Variants in MARF1 observed in about 807,000 individuals in gnomAD.
The protein encoded by MARF1 is limkain-b1.
In MARF1, 24 loss-of-function variants were observed where a neutral mutation model predicts 168.2. The observed-to-expected ratio is 0.14, with a 90% confidence interval of 0.10 to 0.20. The LOEUF (loss-of-function observed/expected upper bound fraction) is 0.20, where lower values mean the gene tolerates loss of function less well. Among genes scored for constraint, MARF1 ranks in the 10% least tolerant of loss-of-function variants. The pLI is 1.00. For synonymous variants in MARF1, 868 were observed against 822.4 expected (o/e 1.06, Z -0.95); for missense variants, 1,744 against 2,143.6 (o/e 0.81, Z 3.68).
chr16:15,625,098 G>C lies in MARF1; in HGVS notation c.2029C>G (p.Pro677Ala), dbSNP rs1466782982. The C allele has an allele frequency of 6.2e-7, 1 of 1,614,200 alleles. No individual in the cohort carries two copies. The highest frequency in any genetic ancestry group is 1.3e-5 in the African/African-American group (1 of 75,044). Residue 677 changes from proline (P) to alanine (A), a missense_variant, in exon 9 of 27, where the codon CCC becomes GCC. Physicochemically the swap from Pro to Ala is conservative, Grantham distance 27 (BLOSUM62 -1). Coordinates refer to ENST00000396368, the MANE Select transcript of MARF1 (RefSeq NM_014647.4). ...GCAGCACTTGAGTTACCGTGAGTGG[G>C]TACGACCAGCCTCAGGTGACCTTGC... ...HQQGHLRLVV[P>A]THGNSSAAVS...
chr16:15,604,228 G>A lies in MARF1; in HGVS notation c.4353C>T (p.Pro1451=). 1.9e-6 allele frequency: 3 copies of A among 1,614,236 alleles called. No individual in the cohort carries two copies. The highest frequency in any genetic ancestry group is 1.6e-4 in the Middle Eastern group (1 of 6,062). Residue 1451 remains proline, a synonymous_variant, in exon 22 of 27, where the codon CCC becomes CCT. Transcript: ENST00000396368. ...TCAAGGTCATGAATCCATATTCACA[G>A]GGGTTAAGGGGAGTGTTGTGGGTAC... ...YESTHNTPLN[P]CEYGFMTLTE...
At chr16:15,606,100 C>T (rs2032990065) in intron 21 of MARF1, 2 of 152,370 alleles carry the variant, frequency 1.3e-5, no homozygotes, top group Non-Finnish European at 2.9e-5. Flanking sequence ...CTGAGCATCC[C>T]ACTTGCAAAA....
chr16:15,609,825 TATC>T (rs2033361762), intron 19 of MARF1, 100 bp from the exon 20 acceptor site: 1 of 968,344 alleles, frequency 1.0e-6, no homozygotes, highest in African/African-American at 1.6e-5. Context: ...TTATAAACGA[TATC>T]ATCCTTGCCT....
Position 15,602,014 on chromosome 16 carries a change from C to T in MARF1, c.4603G>A (p.Glu1535Lys). 6.2e-7 allele frequency: 1 copy of T among 1,614,054 alleles called. No individual in the cohort carries two copies. Among genetic ancestry groups the T allele is most frequent in the Non-Finnish European group, 8.5e-7 (1 of 1,179,898 alleles). The change falls in exon 23 of 27, where the codon GAG becomes AAG. Residue 1535 changes from glutamate (E) to lysine (K), a missense_variant. Physicochemically the swap from Glu to Lys is moderately conservative, Grantham distance 56 (BLOSUM62 1). Around this residue, in one of 7 missense-constraint regions of MARF1, gnomAD observed 313 missense variants for 337.4 expected, o/e 0.93. Coordinates refer to ENST00000396368, the MANE Select transcript of MARF1 (RefSeq NM_014647.4). Reference protein sequence around the residue: ...PKTYGHSSVEELLGAIPQVVW... With the variant: ...PKTYGHSSVEKLLGAIPQVVW... ...ACCTGTGGAATTGCTCCCAAGAGCT[C>T]CTCCACGCTGCTGTGGCCGTAGGTC...
rs370318263 is a variant in MARF1 at position 15,609,676 on chromosome 16, G to A, written c.3801C>T (p.Val1267=). The A allele has an allele frequency of 1.3e-4, 212 of 1,614,114 alleles. 1 individual carries two copies. In the East Asian group the frequency reaches 1.7e-3, roughly 13 times the overall value. ...GGGGTTGGTGACGCAGCAAATCAAC[G>A]ACATCCTTGGAGAACTGTTTTGTCC... ...IERTKQFSKD[V]VDLLRHQPHF... Residue 1267 remains valine (V), a synonymous_variant, in exon 20 of 27, where the codon GTC becomes GTT. Transcript: ENST00000396368.
chr16:15,617,878 T>C (rs187978010), intron 13 of MARF1, among the ~76,000 whole-genome samples: 1 of 152,106 alleles, frequency 6.6e-6, no homozygotes, highest in Non-Finnish European at 1.5e-5. Context: ...CTTCTCACCA[T>C]CCCCATTCTC....
In MARF1 at chr16:15,602,207, G is replaced by C. The variant is rs1172152812; in HGVS notation, c.4414-4C>G. On this transcript the variant is annotated splice_region_variant and splice_polypyrimidine_tract_variant and intron_variant, in intron 22 of 26. Coordinates refer to ENST00000396368, the MANE Select transcript of MARF1 (RefSeq NM_014647.4). ...CCATCTTATCATTAGTGAAAACCTG[G>C]TTAAAAAGAAAACGCAGCATTAGAA... 1 of 1,612,848 alleles carries C rather than the reference G, an allele frequency of 6.2e-7. No homozygotes were observed. The highest frequency in any genetic ancestry group is 1.7e-4 in the Middle Eastern group (1 of 6,060).
intron 1 of MARF1, among the ~76,000 whole-genome samples, chr16:15,641,364 T>C (rs1376982302): frequency 1.3e-5 from 2 of 152,206 alleles, no homozygotes; most frequent in Non-Finnish European, 2.9e-5. Context: ...TCTTTCCTAT[T>C]AGATACAGGT....
At chr16:15,640,923 C>G (rs1246090993) in intron 1 of MARF1, among the ~76,000 whole-genome samples, 1 of 152,128 alleles carries the variant, frequency 6.6e-6, no homozygotes, top group Non-Finnish European at 1.5e-5. Flanking sequence ...GATCACAGCT[C>G]TAAAATAAAA....
Position 15,634,890 on chromosome 16 carries a change from T to C in MARF1, c.873A>G (p.Pro291=). The C allele has an allele frequency of 6.2e-7, 1 of 1,614,082 alleles. No homozygotes were observed. The highest frequency in any genetic ancestry group is 8.5e-7 in the Non-Finnish European group (1 of 1,179,968). The change falls in exon 4 of 27, where the codon CCA becomes CCG. Residue 291 remains proline, a synonymous_variant. Transcript: ENST00000396368. ...GTTGAGTATTTGGAGGTGGTATATT[T>C]GGCCAGACTTTAGCCGCATCGATTA... ...NSIIDAAKVW[P]NIPPPNTQPA...
chr16:15,628,646 T>G (rs575667616), intron 7 of MARF1, among the ~76,000 whole-genome samples: 1 of 152,230 alleles, frequency 6.6e-6, no homozygotes, highest in East Asian at 1.9e-4. Flanking sequence ...TGACCTTAGG[T>G]GATTGGTGAT....
intron 22 of MARF1, among the ~76,000 whole-genome samples, chr16:15,603,435 A>C (rs2032705070): frequency 6.6e-6 from 1 of 151,972 alleles, no homozygotes; most frequent in South Asian, 2.1e-4. Flanking sequence ...CAGCCTTCTT[A>C]GTAGCTGGGA....
Position 15,598,946 on chromosome 16 carries a change from G to A in MARF1, c.4892C>T (p.Ser1631Leu), listed in dbSNP as rs761713203. Residue 1631 changes from serine (S) to leucine (L), a missense_variant, in exon 26 of 27, where the codon TCG becomes TTG. Ser to Leu is a moderately radical substitution (Grantham distance 145). Around this residue, in one of 7 missense-constraint regions of MARF1, gnomAD observed 313 missense variants for 337.4 expected, o/e 0.93. Transcript: ENST00000396368. ...PVDLLCAPVP[S>L]CLPSPQLRPD... ...TCTCAGCTGAGGGGACGGCAGGCAC[G>A]AGGGGACAGGCGCACACAGGAGGTC... 2.8e-5 allele frequency: 45 copies of A among 1,613,714 alleles called. No homozygotes were observed. The highest frequency in any genetic ancestry group is 1.6e-4 in the Middle Eastern group (1 of 6,062).
At chr16:15,602,517 A>G (rs771585887) in intron 22 of MARF1, 2 of 532,722 alleles carry the variant, frequency 3.8e-6, no homozygotes, top group East Asian at 4.2e-5. Flanking sequence ...ACGATGAAGA[A>G]GACGAAGACG....
intron 25 of MARF1, 143 bp from the exon 26 acceptor site, chr16:15,599,167 A>AC (rs2032129689): frequency 6.3e-6 from 5 of 789,716 alleles, no homozygotes; most frequent in African/African-American, 1.8e-5. Flanking sequence ...AAAAAAAAAA[A>AC]AAAAAAAACA....
chr16:15,630,802 TAAA>T (rs60835804), intron 6 of MARF1, among the ~76,000 whole-genome samples: 8 of 130,688 alleles, frequency 6.1e-5, no homozygotes, highest in Non-Finnish European at 1.0e-4. Context: ...GAGCACAAGG[TAAA>T]AAAAAAAAAA....
intron 16 of MARF1, among the ~76,000 whole-genome samples, chr16:15,614,894 C>T (rs1359592629): frequency 6.6e-6 from 1 of 152,124 alleles, no homozygotes; most frequent in African/African-American, 2.4e-5. Context: ...AAGTGATTCT[C>T]TTGCCTCAGC....
chr16:15,609,127 C>G (rs2033287636), intron 20 of MARF1, among the ~76,000 whole-genome samples: 3 of 152,126 alleles, frequency 2.0e-5, no homozygotes, highest in African/African-American at 7.2e-5. Flanking sequence ...TAATCCCCAG[C>G]TACTCGGGAG....
At chr16:15,637,522 T>A (rs1324850534) in intron 2 of MARF1, among the ~76,000 whole-genome samples, 1 of 152,244 alleles carries the variant, frequency 6.6e-6, no homozygotes, top group Non-Finnish European at 1.5e-5. Context: ...TTGGTAATTA[T>A]AGTTCAGACT....
Sources: allele counts gnomAD v4.1 joint callset (sites outside exome capture counted in the v4.1 genomes callset), GRCh38; gene constraint gnomAD v4.1.1; regional missense constraint gnomAD v4.1.1; transcripts MANE v1.5; gene names NCBI Gene and HGNC (gene_info 2026-07-23, HGNC 2026-07-21).